The following RFC1 variants were observed in gnomAD, a reference collection of about 807,000 sequenced individuals.
RFC1 encodes the protein A1 140 kDa subunit.
A neutral mutation model predicts 137.4 loss-of-function variants in RFC1; 37 were observed. The observed-to-expected ratio is 0.27, with a 90% CI of 0.21 to 0.35. The LOEUF (loss-of-function observed/expected upper bound fraction) is 0.35, where lower values mean the gene tolerates loss of function less well. Among genes scored for constraint, RFC1 ranks in the 10% least tolerant of loss-of-function variants. The pLI is 1.00. For missense variants in RFC1, 1,205 were observed against 1,358.5 expected (o/e 0.89, Z 1.78); for synonymous variants, 429 against 455.7 (o/e 0.94, Z 0.75).
intron 13 of RFC1, among the ~76,000 whole-genome samples, 193 bp downstream of exon 13, chr4:39,308,443 T>C (rs1225562281): frequency 2.0e-5 from 3 of 152,180 alleles, no homozygotes; most frequent in Admixed American, 2.0e-4. Flanking sequence ...CCACTGCCTG[T>C]GAGCTCCTGA....
At chr4:39,313,928 T>A (rs932280648) in intron 10 of RFC1, among the ~76,000 whole-genome samples, 1 of 152,192 alleles carries the variant, frequency 6.6e-6, no homozygotes, top group Admixed American at 6.5e-5. Flanking sequence ...AGACATTAAA[T>A]CTTAATTGGA....
chr4:39,307,738 A>AAC (rs1738755666), intron 13 of RFC1, among the ~76,000 whole-genome samples: 1 of 151,358 alleles, frequency 6.6e-6, no homozygotes, highest in African/African-American at 2.4e-5. Flanking sequence ...AACAAAACAA[A>AAC]AAAAAAACAG....
intron 1 of RFC1, among the ~76,000 whole-genome samples, chr4:39,365,010 T>C (rs1741949907): frequency 1.3e-5 from 2 of 151,910 alleles, no homozygotes; most frequent in South Asian, 2.1e-4. Context: ...TGATGATCAT[T>C]ATAGGGAAGT....
chr4:39,304,762 A>G, intron 15 of RFC1, 52 bp downstream of exon 15: 1 of 1,029,596 alleles, frequency 9.7e-7, no homozygotes, highest in Non-Finnish European at 1.5e-6. Context: ...GAACATTGAA[A>G]TGAACATATT....
intron 2 of RFC1, among the ~76,000 whole-genome samples, chr4:39,349,872 C>T (rs1459210589): frequency 6.6e-6 from 1 of 152,116 alleles, no homozygotes; most frequent in Non-Finnish European, 1.5e-5. Flanking sequence ...GGCATGGGGG[C>T]TCATGCCTAA....
At chr4:39,351,301 T>G in intron 2 of RFC1, 47 bp downstream of exon 2, 1 of 1,214,540 alleles carries the variant, frequency 8.2e-7, no homozygotes, top group South Asian at 1.6e-5. Flanking sequence ...AAGAACTGAG[T>G]TTATTTTACA....
At chr4:39,288,888 G>A (rs1737513782) in intron 24 of RFC1, 44 bp from the exon 25 acceptor site, 1 of 1,186,632 alleles carries the variant, frequency 8.4e-7, no homozygotes, top group Non-Finnish European at 1.2e-6. Context: ...CTGTGTTTAT[G>A]AGTAAATGAA....
intron 24 of RFC1, chr4:39,289,493 C>T (rs2123027): frequency 0.49 from 95,977 of 195,896 alleles, 25,394 homozygotes; most frequent in African/African-American, 0.73. Context: ...GAAACTTCTA[C>T]AAAGCAGTTT....
chr4:39,351,610 G>T (rs558324678), intron 1 of RFC1, 134 bp from the exon 2 acceptor site: 5 of 632,264 alleles, frequency 7.9e-6, no homozygotes, highest in African/African-American at 2.0e-5. Context: ...ATAGTTCCAC[G>T]AATATAGTAG....
rs774029496 is a variant in RFC1 at position 39,291,798 on chromosome 4, A to T, written c.3009T>A (p.Asp1003Glu). 6.2e-7 allele frequency: 1 copy of T among 1,614,188 alleles called. No homozygotes were observed. The highest frequency in any genetic ancestry group is 1.3e-5 in the African/African-American group (1 of 75,060). The change falls in exon 23 of 25, where the codon GAT (aspartate) becomes GAA (glutamate). Residue 1003 changes from aspartate to glutamate, a missense_variant. Asp to Glu is a conservative substitution (Grantham distance 45, BLOSUM62 2). Coordinates refer to ENST00000349703, the MANE Select transcript of RFC1 (RefSeq NM_002913.5). ...VNMDYLSLLRDALVQPLTSQG... is the reference protein window; with the variant it reads ...VNMDYLSLLREALVQPLTSQG... The stretch of plus-strand genomic sequence containing the variant: ...GTGAGGTCAAGGGCTGTACAAGTGC[A>T]TCCCTTAGAAGCGACAGATAATCCA...
intron 15 of RFC1, among the ~76,000 whole-genome samples, chr4:39,303,769 T>C (rs1038822906): frequency 5.3e-5 from 8 of 152,194 alleles, no homozygotes; most frequent in Non-Finnish European, 1.2e-4. Flanking sequence ...TGTCATTTTA[T>C]GTATTTTGGT....
intron 12 of RFC1, among the ~76,000 whole-genome samples, chr4:39,310,888 T>C (rs2109638554): frequency 6.6e-6 from 1 of 152,278 alleles, no homozygotes; most frequent in Admixed American, 6.5e-5. Context: ...ACACCTATAA[T>C]CCCAGCACTT....
intron 21 of RFC1, among the ~76,000 whole-genome samples, chr4:39,298,134 C>T (rs1212367532): frequency 1.3e-5 from 2 of 152,004 alleles, no homozygotes; most frequent in East Asian, 1.9e-4. Flanking sequence ...CATGGCGAAA[C>T]CCCGTCTCTA....
intron 10 of RFC1, among the ~76,000 whole-genome samples, chr4:39,314,742 C>A (rs1739154267): frequency 6.6e-6 from 1 of 152,140 alleles, no homozygotes; most frequent in Admixed American, 6.5e-5. Flanking sequence ...CTCTCCCTCT[C>A]TTTATTAGGG....
chr4:39,351,124 G>A (rs1349282511), intron 2 of RFC1, among the ~76,000 whole-genome samples: 4 of 151,698 alleles, frequency 2.6e-5, no homozygotes, highest in South Asian at 2.1e-4. Context: ...GGTGGCGGGC[G>A]CCTGTAGTCC....
chr4:39,309,134 G>A (rs191807235), intron 12 of RFC1, 102 bp from the exon 13 acceptor site: 7 of 1,279,354 alleles, frequency 5.5e-6, no homozygotes, highest in Non-Finnish European at 7.4e-6. Context: ...TATCCAAGTG[G>A]GCTACTCAAC....
At chr4:39,313,557 G>A (rs939004905) in intron 10 of RFC1, among the ~76,000 whole-genome samples, 3 of 152,172 alleles carry the variant, frequency 2.0e-5, no homozygotes, top group African/African-American at 7.2e-5. Flanking sequence ...AGTTTTGCCC[G>A]AACTCATGGA....
chr4:39,302,896 C>G (rs1738439277), intron 16 of RFC1, 22 bp from the exon 17 acceptor site: 1 of 1,565,640 alleles, frequency 6.4e-7, no homozygotes, highest in South Asian at 1.2e-5. Flanking sequence ...GTTTGCAACA[C>G]AAAAATAATT....
chr4:39,346,062 T>C (rs1045459320), intron 2 of RFC1, among the ~76,000 whole-genome samples: 1 of 152,192 alleles, frequency 6.6e-6, no homozygotes, highest in South Asian at 2.1e-4. Context: ...AACCTATGTA[T>C]ACAACAAAGA....
Sources: gnomAD v4.1 joint callset for allele counts (sites outside exome capture counted in the v4.1 genomes callset) on GRCh38, gnomAD v4.1.1 for gene constraint, MANE v1.5 for transcripts, NCBI Gene and HGNC (gene_info 2026-07-23, HGNC 2026-07-21) for gene names.